The following ZMIZ1 variants were observed in gnomAD, a reference collection of about 807,000 sequenced individuals.
The protein encoded by ZMIZ1 is zinc finger MIZ domain-containing protein 1.
In ZMIZ1, 17 loss-of-function variants were observed where a neutral mutation model predicts 113.9. The observed-to-expected ratio is 0.15, with a 90% CI of 0.10 to 0.22. ZMIZ1 has a LOEUF of 0.22. ZMIZ1 is among the 10% of genes least tolerant of loss of function. ZMIZ1 has a pLI of 1.00. For synonymous variants in ZMIZ1, 607 were observed against 603.1 expected, an observed-to-expected ratio of 1.01 and a Z score of -0.09; for missense variants, 1,059 against 1,477.8, an observed-to-expected ratio of 0.72 and a Z score of 4.65.
At chr10:79,199,825 A>G (rs1290443119) in intron 4 of ZMIZ1, among the ~76,000 whole-genome samples, 2 of 152,164 alleles carry the variant, frequency 1.3e-5, no homozygotes, top group South Asian at 2.1e-4. Flanking sequence ...ACATGGAGCA[A>G]TGAGAATTGC....
chr10:79,192,106 G>A (rs960842179), intron 4 of ZMIZ1, among the ~76,000 whole-genome samples: 1 of 152,208 alleles, frequency 6.6e-6, no homozygotes, highest in Non-Finnish European at 1.5e-5. Flanking sequence ...TTCACTGTGA[G>A]GTCAGGGATT....
chr10:79,198,361 C>T (rs757041860), intron 4 of ZMIZ1, among the ~76,000 whole-genome samples: 2 of 152,060 alleles, frequency 1.3e-5, no homozygotes, highest in Admixed American at 6.6e-5. Context: ...GGTGAACAGG[C>T]GGGCATTTGT....
At chr10:79,144,259 G>A (rs1845394992) in intron 3 of ZMIZ1, among the ~76,000 whole-genome samples, 1 of 152,194 alleles carries the variant, frequency 6.6e-6, no homozygotes, top group African/African-American at 2.4e-5. Context: ...GGGTTAGAGA[G>A]GAAAATTCTT....
rs532579410 is a variant in ZMIZ1, at chr10:79,209,201, G to A, written c.174+752G>A. 5.3e-5 allele frequency among the ~76,000 whole-genome samples: 8 copies of A among 151,994 alleles called. No individual in the cohort carries two copies. The South Asian group carries it at 1.0e-3, about 20-fold the overall frequency. On this transcript the variant is annotated intron_variant, in intron 6 of 24. Transcript: ENST00000334512. The stretch of plus-strand genomic sequence containing the variant: ...AGCAGCAGAGGGGGCAGGAGTGCTC[G>A]GGGCACAAGCAGCAGAGGGGGCAGG...
chr10:79,122,081 G>C (rs11002841), intron 2 of ZMIZ1, among the ~76,000 whole-genome samples: 1 of 152,014 alleles, frequency 6.6e-6, no homozygotes, highest in Non-Finnish European at 1.5e-5. Flanking sequence ...CCTGTGTGAC[G>C]GCCAGTGAAG....
At chr10:79,237,035 G>A (rs1849618001) in intron 7 of ZMIZ1, among the ~76,000 whole-genome samples, 1 of 152,242 alleles carries the variant, frequency 6.6e-6, no homozygotes, top group Admixed American at 6.5e-5. Context: ...TCAGTGTGGT[G>A]GCGGGGGCTC....
At chr10:79,117,348 C>T (rs911970635) in intron 1 of ZMIZ1, among the ~76,000 whole-genome samples, 1 of 152,250 alleles carries the variant, frequency 6.6e-6, no homozygotes, top group African/African-American at 2.4e-5. Context: ...AGTCTTTTTG[C>T]CCTTCTTGAC....
intron 1 of ZMIZ1, among the ~76,000 whole-genome samples, chr10:79,117,923 C>T (rs1323782355): frequency 1.3e-5 from 2 of 152,208 alleles, no homozygotes; most frequent in East Asian, 3.8e-4. Flanking sequence ...CTTTTTCCAC[C>T]CCAGAGGCCT....
chr10:79,195,638 C>T (rs1164072275), intron 4 of ZMIZ1, among the ~76,000 whole-genome samples: 1 of 152,194 alleles, frequency 6.6e-6, no homozygotes, highest in African/African-American at 2.4e-5. Flanking sequence ...CCACCAGGTG[C>T]GTGTCACCTC....
intron 7 of ZMIZ1, among the ~76,000 whole-genome samples, chr10:79,238,942 C>G (rs1040742560): frequency 1.2e-4 from 19 of 152,178 alleles, no homozygotes; most frequent in African/African-American, 4.3e-4. Context: ...CCTGCTTGGG[C>G]CCCTAGCTCT....
intron 6 of ZMIZ1, among the ~76,000 whole-genome samples, chr10:79,211,939 C>A (rs1308977212): frequency 6.6e-6 from 1 of 152,228 alleles, no homozygotes; most frequent in Non-Finnish European, 1.5e-5. Context: ...AATGAGGACG[C>A]CCTGCAGCTT....
intron 7 of ZMIZ1, among the ~76,000 whole-genome samples, chr10:79,234,032 C>T (rs2132794370): frequency 1.3e-5 from 2 of 152,306 alleles, no homozygotes; most frequent in East Asian, 1.9e-4. Context: ...AGGCATGACA[C>T]TTCTAGGGAC....
At chr10:79,287,497 T>TTC (rs1853162033) in intron 8 of ZMIZ1, among the ~76,000 whole-genome samples, 1 of 152,266 alleles carries the variant, frequency 6.6e-6, no homozygotes, top group Non-Finnish European at 1.5e-5. Context: ...TTTGACTGCA[T>TTC]TCTCCTCTTT....
chr10:79,105,847 A>T (rs1170338891), intron 1 of ZMIZ1, among the ~76,000 whole-genome samples: 1 of 152,240 alleles, frequency 6.6e-6, no homozygotes, highest in Non-Finnish European at 1.5e-5. Flanking sequence ...GAAATGACAA[A>T]CATCAGGAAG....
chr10:79,167,012 C>T (rs1846383101), intron 4 of ZMIZ1, among the ~76,000 whole-genome samples: 1 of 152,212 alleles, frequency 6.6e-6, no homozygotes, highest in Non-Finnish European at 1.5e-5. Context: ...CACCGTGCTG[C>T]CCCCCACCCC....
intron 4 of ZMIZ1, among the ~76,000 whole-genome samples, chr10:79,195,402 T>C (rs1305986442): frequency 1.3e-5 from 2 of 152,154 alleles, no homozygotes; most frequent in African/African-American, 2.4e-5. Flanking sequence ...GCCTGCTTGG[T>C]CTCACCCCCC....
intron 4 of ZMIZ1, among the ~76,000 whole-genome samples, chr10:79,198,614 A>G (rs1201809832): frequency 6.6e-6 from 1 of 152,186 alleles, no homozygotes; most frequent in Non-Finnish European, 1.5e-5. Context: ...AGCTCCAGAA[A>G]GCACTTATCA....
intron 7 of ZMIZ1, among the ~76,000 whole-genome samples, chr10:79,246,333 T>C (rs927108232): frequency 6.6e-6 from 1 of 152,194 alleles, no homozygotes; most frequent in African/African-American, 2.4e-5. Context: ...AAGTCATCCA[T>C]TGATCGGGCG....
At chr10:79,245,432 C>A (rs528514653) in intron 7 of ZMIZ1, among the ~76,000 whole-genome samples, 1 of 152,326 alleles carries the variant, frequency 6.6e-6, no homozygotes. Flanking sequence ...ACTGTGGTGC[C>A]TGGCGGATGG....
Sources: gnomAD v4.1 joint callset for allele counts (sites outside exome capture counted in the v4.1 genomes callset) on GRCh38, gnomAD v4.1.1 for gene constraint, MANE v1.5 for transcripts, NCBI Gene and HGNC (gene_info 2026-07-23, HGNC 2026-07-21) for gene names.